The following POLN variants were observed in gnomAD, a reference collection of about 807,000 sequenced individuals.
POLN encodes DNA polymerase nu.
Under a neutral mutation model 113.5 loss-of-function variants are expected in POLN, and 108 were observed. The observed-to-expected ratio is 0.95, with a 90% CI of 0.81 to 1.12. POLN has a LOEUF of 1.12. Among genes scored for constraint, POLN ranks in the 50% most tolerant of loss-of-function variants. POLN has a pLI of 0.00. For missense variants in POLN, 1,097 were observed against 1,077.1 expected (o/e 1.02, Z -0.26); for synonymous variants, 386 against 391.5 (o/e 0.99, Z 0.17).
intron 4 of POLN, among the ~76,000 whole-genome samples, chr4:2,209,657 C>CTTTTT (rs1175117439): frequency 1.9e-4 from 21 of 108,400 alleles, no homozygotes; most frequent in African/African-American, 4.4e-4. Context: ...TTTCCTTTTC[C>CTTTTT]TTTTTTTTTT....
chr4:2,241,254 C>T (rs1179145490), intron 2 of POLN, among the ~76,000 whole-genome samples: 1 of 152,136 alleles, frequency 6.6e-6, no homozygotes, highest in Non-Finnish European at 1.5e-5. Context: ...AACAATTAGG[C>T]TAGTTCTCAG....
chr4:2,201,047 C>G (rs188878074), intron 5 of POLN, among the ~76,000 whole-genome samples: 251 of 152,086 alleles, frequency 1.7e-3, no homozygotes, highest in Non-Finnish European at 2.9e-3. Context: ...GCAGGCAGAT[C>G]ATGAGGTCGG....
In POLN at chr4:2,208,124, A is replaced by G. The variant is rs1426403904; in HGVS notation, c.577T>C (p.Leu193=). ...GYLNSGNSGA[L]KKHFCDIRHL... The stretch of plus-strand genomic sequence containing the variant: ...CTAATATCACAAAAATGTTTTTTCA[A>G]TGCTCCTGAGTTCCCAGAATTTAGG... Residue 193 remains leucine, a synonymous_variant, in exon 5 of 26, where the codon TTG becomes CTG. Coordinates refer to ENST00000511885, the MANE Select transcript of POLN (RefSeq NM_181808.4). 1.2e-6 allele frequency: 2 copies of G among 1,614,048 alleles called. No individual in the cohort carries two copies. Among genetic ancestry groups the G allele is most frequent in the East Asian group, 2.2e-5 (1 of 44,892 alleles).
At chr4:2,137,255 C>T (rs567497515) in intron 16 of POLN, among the ~76,000 whole-genome samples, 74 of 152,346 alleles carry the variant, frequency 4.9e-4, no homozygotes, top group African/African-American at 1.7e-3. Context: ...TAGAGTAACA[C>T]ATCTATTGAC....
intron 20 of POLN, among the ~76,000 whole-genome samples, chr4:2,087,601 A>C (rs186873642): frequency 6.6e-6 from 1 of 152,248 alleles, no homozygotes; most frequent in Non-Finnish European, 1.5e-5. Flanking sequence ...ATTTATTAAG[A>C]GCATATTTTC....
At chr4:2,156,960 G>C in intron 15 of POLN, 107 bp from the exon 16 acceptor site, 3 of 901,180 alleles carry the variant, frequency 3.3e-6, no homozygotes. Flanking sequence ...CTCCTCCAGA[G>C]GCCAACAAGC....
At chr4:2,129,344 T>C (rs1731664923) in intron 17 of POLN, 88 bp from the exon 18 acceptor site, 2 of 839,748 alleles carry the variant, frequency 2.4e-6, no homozygotes, top group East Asian at 5.2e-5. Flanking sequence ...TGAATATTAT[T>C]CTGAAGTCCA....
chr4:2,158,974 G>A (rs935285955), intron 14 of POLN, among the ~76,000 whole-genome samples, 181 bp downstream of exon 14: 1 of 152,002 alleles, frequency 6.6e-6, no homozygotes, highest in Non-Finnish European at 1.5e-5. Flanking sequence ...TGCAGACTTC[G>A]GTAAAATCAC....
rs117282175 is a variant in POLN at position 2,098,285 on chromosome 4, G to C, written c.1983-2352C>G. Among the ~76,000 whole-genome samples the C allele has an allele frequency of 2.9e-3, 441 of 152,234 alleles. 9 individuals are homozygous for C. The South Asian group carries it at 0.046, about 16-fold the overall frequency. ...AAATAAAAAATTAGCTGGGCATGAT[G>C]ATATGCCCCTGTGGTCCCAGCTACT... On this transcript the variant is annotated intron_variant, in intron 19 of 25. Coordinates refer to ENST00000511885, the MANE Select transcript of POLN (RefSeq NM_181808.4).
Position 2,073,009 on chromosome 4 carries a change from C to G in POLN, c.2476G>C (p.Glu826Gln). The change falls in exon 25 of 26, where the codon GAG (glutamate) becomes CAG (glutamine). Residue 826 changes from glutamate (E) to glutamine (Q), a missense_variant. Coordinates refer to ENST00000511885, the MANE Select transcript of POLN (RefSeq NM_181808.4). Reference protein sequence around the residue: ...ECAALVRRTMESLEQVQALEL... With the variant: ...ECAALVRRTMQSLEQVQALEL... ...AATGCCTGCACCTGTTCCAAGGACT[C>G]CATGGTCCTCCTGACGAGAGCTAGA... The G allele has an allele frequency of 2.5e-6, 4 of 1,613,548 alleles. No individual in the cohort carries two copies. Among genetic ancestry groups the G allele is most frequent in the Non-Finnish European group, 8.5e-7 (1 of 1,179,948 alleles).
chr4:2,220,151 G>C (rs1734220380), intron 3 of POLN, among the ~76,000 whole-genome samples: 1 of 152,000 alleles, frequency 6.6e-6, no homozygotes, highest in South Asian at 2.1e-4. Context: ...ACGCCCTACA[G>C]AAAATACACC....
intron 7 of POLN, among the ~76,000 whole-genome samples, chr4:2,191,793 G>C (rs7689629): frequency 2.0e-5 from 3 of 151,980 alleles, no homozygotes; most frequent in Non-Finnish European, 4.4e-5. Flanking sequence ...TGCTACAAAG[G>C]ATCCAGGAAG....
rs35399602 is a variant in POLN at position 2,201,277 on chromosome 4, C to CAAAAAAAAAA, written c.715-2570_715-2561dup. On this transcript the variant is annotated intron_variant, in intron 5 of 25. Transcript: ENST00000511885. ...GTGAGACTCTGTCCCCCTACCACTC[C>CAAAAAAAAAA]AAAAAAAAAAAAAAAAAAAAAAAAA... 2.5e-3 allele frequency among the ~76,000 whole-genome samples: 39 copies of CAAAAAAAAAA among 15,834 alleles called. 17 individuals are homozygous for CAAAAAAAAAA. The highest frequency in any genetic ancestry group is 0.018 in the African/African-American group (37 of 2,076). 10.4% of individuals were successfully genotyped at this position (15,834 alleles called of 152,430 possible). A position where few individuals can be genotyped will look rare whatever the true frequency, so the allele number is the denominator to read the frequency against.
At chr4:2,190,678 TA>T in intron 7 of POLN, among the ~76,000 whole-genome samples, 1 of 152,092 alleles carries the variant, frequency 6.6e-6, no homozygotes, top group East Asian at 1.9e-4. Flanking sequence ...AACAGCTCAA[TA>T]GGGGGAAAAC....
At chr4:2,077,700 G>A (rs1373934770) in intron 23 of POLN, among the ~76,000 whole-genome samples, 2 of 152,246 alleles carry the variant, frequency 1.3e-5, no homozygotes, top group Admixed American at 6.5e-5. Flanking sequence ...CACACTTCTT[G>A]AAATTACATT....
At chr4:2,223,402 C>G (rs912955326) in intron 3 of POLN, among the ~76,000 whole-genome samples, 2 of 152,168 alleles carry the variant, frequency 1.3e-5, no homozygotes, top group Non-Finnish European at 2.9e-5. Context: ...GGAGCAAGAA[C>G]TGTACTGTGA....
At chr4:2,078,609 C>A in intron 23 of POLN, 1 of 985,390 alleles carries the variant, frequency 1.0e-6, no homozygotes, top group Admixed American at 6.1e-5. Flanking sequence ...GCGAGAGATG[C>A]CTGGCCACAC....
intron 18 of POLN, among the ~76,000 whole-genome samples, chr4:2,128,723 G>C (rs1456061048): frequency 6.6e-6 from 1 of 152,144 alleles, no homozygotes; most frequent in Non-Finnish European, 1.5e-5. Flanking sequence ...ACGGGACACT[G>C]CAAGAAAAAC....
At chr4:2,079,688 G>A (rs1416620556) in intron 23 of POLN, 8 of 868,362 alleles carry the variant, frequency 9.2e-6, no homozygotes, top group Admixed American at 6.2e-5. Flanking sequence ...GGGTTCAAGC[G>A]ATCCTCCTGC....
Sources: gnomAD v4.1 joint callset for allele counts (sites outside exome capture counted in the v4.1 genomes callset) on GRCh38, gnomAD v4.1.1 for gene constraint, MANE v1.5 for transcripts, NCBI Gene and HGNC (gene_info 2026-07-23, HGNC 2026-07-21) for gene names.